Variants in ASH2L observed in about 807,000 individuals in gnomAD.
The protein encoded by ASH2L is set1/Ash2 histone methyltransferase complex subunit ASH2.
ASH2L carries 30 observed loss-of-function variants against 81.1 expected under a neutral mutation model. That is an observed-to-expected ratio of 0.37 (90% CI 0.28 to 0.50). ASH2L has a LOEUF of 0.50. ASH2L is among the 20% of genes least tolerant of loss of function. The pLI is 0.95. For missense variants in ASH2L, 559 were observed against 792.1 expected (o/e 0.71, Z 3.53); for synonymous variants, 273 against 279.9 (o/e 0.98, Z 0.24).
chr8:38,128,584 G>C, intron 11 of ASH2L, 126 bp downstream of exon 11: 2 of 1,462,164 alleles, frequency 1.4e-6, no homozygotes, highest in Non-Finnish European at 1.8e-6. Flanking sequence ...CCTGAGGGTT[G>C]AGCTGGTTTG....
At chr8:38,122,189 C>T (rs1046631639) in intron 10 of ASH2L, among the ~76,000 whole-genome samples, 3 of 152,042 alleles carry the variant, frequency 2.0e-5, no homozygotes, top group Non-Finnish European at 4.4e-5. Context: ...GTAGGAGCTT[C>T]TTCAAGAAGT....
intron 7 of ASH2L, 101 bp from the exon 8 acceptor site, chr8:38,116,549 T>G: frequency 1.1e-6 from 1 of 924,408 alleles, no homozygotes. Flanking sequence ...AAAAGAATTG[T>G]CAATTTTAGT....
At chr8:38,105,863 G>T in intron 1 of ASH2L, 125 bp downstream of exon 1, 4 of 1,435,258 alleles carry the variant, frequency 2.8e-6, no homozygotes, top group Non-Finnish European at 3.6e-6. Context: ...GGCTCGCCCT[G>T]CCTCTGCGCC....
intron 12 of ASH2L, among the ~76,000 whole-genome samples, chr8:38,132,573 T>C (rs903195156): frequency 6.6e-6 from 1 of 151,540 alleles, no homozygotes; most frequent in Non-Finnish European, 1.5e-5. Context: ...CTGAGGCGGG[T>C]GGATCACCTG....
chr8:38,105,693 C>G lies in ASH2L; in HGVS notation c.143C>G (p.Ser48Cys), dbSNP rs1273799805. Residue 48 changes from serine (S) to cysteine (C), a missense_variant, in exon 1 of 16, where the codon TCT becomes TGT. This residue lies in a region of ASH2L where 145 missense variants were observed against 115.5 expected (regional missense o/e 1.26). Coordinates refer to ENST00000343823, the MANE Select transcript of ASH2L (RefSeq NM_004674.5). ...GCCGCTCCTCCTGGAGAGGGGATCT[C>G]TGCTGCTCCGACAGTTGAGCCCAGT... ...GAAAPPGEGI[S>C]AAPTVEPSSG... 6.4e-7 allele frequency: 1 copy of G among 1,567,818 alleles called. No individual in the cohort carries two copies. Among genetic ancestry groups the G allele is most frequent in the African/African-American group, 1.4e-5 (1 of 72,526 alleles).
Position 38,135,714 on chromosome 8 carries a change from A to T in ASH2L, c.1667A>T (p.Asp556Val). The change falls in exon 14 of 16, where the codon GAT (aspartate) becomes GTT (valine). Residue 556 changes from aspartate (D) to valine (V), a missense_variant. Physicochemically the swap from Asp to Val is radical, Grantham distance 152 (BLOSUM62 -3). Coordinates refer to ENST00000343823, the MANE Select transcript of ASH2L (RefSeq NM_004674.5). Reference protein sequence around the residue: ...NGVNQGVAYKDIFEGVYFPAI... With the variant: ...NGVNQGVAYKVIFEGVYFPAI... Reference sequence around the variant, plus strand: ...GTCAATCAAGGTGTGGCTTACAAAGATATTTTTGAGGGGGTTTACTTCCCA... The same window carrying T: ...GTCAATCAAGGTGTGGCTTACAAAGTTATTTTTGAGGGGGTTTACTTCCCA... The T allele has an allele frequency of 6.2e-7, 1 of 1,613,196 alleles. No individual in the cohort carries two copies. Among genetic ancestry groups the T allele is most frequent in the Non-Finnish European group, 8.5e-7 (1 of 1,179,614 alleles).
chr8:38,107,902 GTGTA>G (rs768734957), intron 3 of ASH2L, among the ~76,000 whole-genome samples: 310 of 143,980 alleles, frequency 2.2e-3, no homozygotes, highest in African/African-American at 3.0e-3. Flanking sequence ...GTGTGTGTGT[GTGTA>G]TATGTATATA....
At chr8:38,129,018 G>T in intron 12 of ASH2L, 67 bp downstream of exon 12, 1 of 1,550,712 alleles carries the variant, frequency 6.4e-7, no homozygotes, top group Admixed American at 2.1e-5. Context: ...CTTATCACTG[G>T]CTTGTGTGAT....
In ASH2L at chr8:38,128,945, A is replaced by C; in HGVS notation, c.1521A>C (p.Lys507Asn). ...CCAAGTCATTGCCAGACACATACAA[A>C]GATAAGGTGAGTTTGTCCTCTCCCG... The part of the protein sequence containing the change: ...ETAKSLPDTY[K>N]DKALIKFKSY... The change falls in exon 12 of 16, where the codon AAA becomes AAC. Residue 507 changes from lysine (K) to asparagine (N), a missense_variant. This residue lies in a region of ASH2L where 318 missense variants were observed against 527.0 expected (regional missense o/e 0.60). Transcript: ENST00000343823. 3 of 1,612,302 alleles carry C rather than the reference A, an allele frequency of 1.9e-6. No homozygotes were observed. Among genetic ancestry groups the C allele is most frequent in the Non-Finnish European group, 2.5e-6 (3 of 1,179,380 alleles).
At chr8:38,118,797 T>C (rs1811013858) in intron 8 of ASH2L, among the ~76,000 whole-genome samples, 1 of 152,226 alleles carries the variant, frequency 6.6e-6, no homozygotes, top group East Asian at 1.9e-4. Context: ...TTTATGATGT[T>C]TATGGACTGT....
chr8:38,112,923 G>A (rs1563251518), intron 5 of ASH2L, among the ~76,000 whole-genome samples: 2 of 151,046 alleles, frequency 1.3e-5, no homozygotes, highest in Non-Finnish European at 2.9e-5. Flanking sequence ...TATCACTGTG[G>A]ATTATTTTTT....
chr8:38,106,019 C>T (rs1164466243), intron 1 of ASH2L: 1 of 1,529,956 alleles, frequency 6.5e-7, no homozygotes, highest in African/African-American at 1.4e-5. Flanking sequence ...GGGAGGCCTT[C>T]ACATATTCCA....
chr8:38,115,521 G>A (rs1174491042), intron 7 of ASH2L, among the ~76,000 whole-genome samples: 1 of 152,170 alleles, frequency 6.6e-6, no homozygotes, highest in African/African-American at 2.4e-5. Context: ...GCAAGATTCA[G>A]CCCGGTGCAG....
rs1271299396 is a variant in ASH2L, at chr8:38,105,737, G to C, written c.187G>C (p.Gly63Arg). 10 of 1,515,576 alleles carry C rather than the reference G, an allele frequency of 6.6e-6. No homozygotes were observed. Among genetic ancestry groups the C allele is most frequent in the Non-Finnish European group, 8.8e-6 (10 of 1,134,894 alleles). The allele number at this position is 1,515,576 out of a possible 1,614,324, so 93.9% of individuals were successfully genotyped here. The change falls in exon 1 of 16, where the codon GGG (glycine) becomes CGG (arginine). Residue 63 changes from glycine (G) to arginine (R), a missense_variant and splice_region_variant. By Grantham distance (125) the Gly-to-Arg change is moderately radical. Around this residue, in one of 4 missense-constraint regions of ASH2L, gnomAD observed 145 missense variants for 115.5 expected, o/e 1.26. Coordinates refer to ENST00000343823, the MANE Select transcript of ASH2L (RefSeq NM_004674.5). ...GCCCAGTTCCGGGGAGGCTGAAGGC[G>C]GGTAAGAGGTCCTGCCGCCCGAGGA... The part of the protein sequence containing the change: ...VEPSSGEAEG[G>R]EANLVDVSGG...
chr8:38,108,530 A>G (rs980660298), intron 3 of ASH2L, among the ~76,000 whole-genome samples: 4 of 150,360 alleles, frequency 2.7e-5, no homozygotes, highest in African/African-American at 9.9e-5. Flanking sequence ...AAAAAAAAAA[A>G]GGTGGGGGGC....
At chr8:38,137,412 A>G (rs1045724291) in intron 14 of ASH2L, 1 of 152,160 alleles carries the variant, frequency 6.6e-6, no homozygotes, top group Non-Finnish European at 1.5e-5. Context: ...AAAAGAAAAA[A>G]AAAAGCTGGG....
rs535038167 is a variant in ASH2L at position 38,125,559 on chromosome 8, GAT to G, written c.1166-2731_1166-2730del. On this transcript the variant is annotated intron_variant, in intron 10 of 15. Coordinates refer to ENST00000343823, the MANE Select transcript of ASH2L (RefSeq NM_004674.5). ...GGAGGCGGAGGTTGCAGTGAGCCGA[GAT>G]CGCGCCATTGCACTCCAGCCTGGGC... is the stretch of plus-strand genomic sequence containing the variant. 4.0e-3 allele frequency among the ~76,000 whole-genome samples: 599 copies of G among 151,164 alleles called. 5 individuals are homozygous for G. Among genetic ancestry groups the G allele is most frequent in the African/African-American group, 0.012 (506 of 41,022 alleles).
At chr8:38,107,419 A>C (rs575781969) in intron 3 of ASH2L, among the ~76,000 whole-genome samples, 4 of 151,190 alleles carry the variant, frequency 2.6e-5, no homozygotes, top group South Asian at 2.1e-4. Flanking sequence ...GTTTGGAGAC[A>C]AAAAAAAATG....
intron 12 of ASH2L, among the ~76,000 whole-genome samples, chr8:38,130,517 G>C (rs1167912029): frequency 6.6e-6 from 1 of 151,772 alleles, no homozygotes; most frequent in Non-Finnish European, 1.5e-5. Flanking sequence ...GCTACTCCCT[G>C]TCATGAAGAT....
Sources: gnomAD v4.1 joint callset for allele counts (sites outside exome capture counted in the v4.1 genomes callset) on GRCh38, gnomAD v4.1.1 for gene constraint, gnomAD v4.1.1 regional missense constraint, MANE v1.5 for transcripts, NCBI Gene and HGNC (gene_info 2026-07-23, HGNC 2026-07-21) for gene names.